MLLT10: variants seen among roughly 807,000 people sequenced by gnomAD.
The protein encoded by MLLT10 is MLLT10 histone lysine methyltransferase DOT1L cofactor, also known as protein AF-10.
MLLT10 carries 30 observed loss-of-function variants against 129.1 expected under a neutral mutation model. The observed-to-expected ratio is 0.23, with a 90% CI of 0.17 to 0.32. MLLT10 has a LOEUF of 0.32. Ranked by LOEUF, MLLT10 falls within the 10% of genes least tolerant of loss-of-function variation. MLLT10 has a pLI of 1.00. For missense variants in MLLT10, 1,119 were observed against 1,268.3 expected (o/e 0.88, Z 1.79); for synonymous variants, 490 against 446.4 (o/e 1.10, Z -1.23).
At chr10:21,731,342 C>A (rs921253675) in intron 17 of MLLT10, among the ~76,000 whole-genome samples, 3 of 151,586 alleles carry the variant, frequency 2.0e-5, no homozygotes, top group Admixed American at 1.3e-4. Context: ...TAATAATGCA[C>A]CCATATCAGA....
At chr10:21,697,099 C>CAAAAAAA (rs1163740638) in intron 13 of MLLT10, among the ~76,000 whole-genome samples, 4 of 82,646 alleles carry the variant, frequency 4.8e-5, no homozygotes, top group Admixed American at 1.7e-4. Flanking sequence ...CTGATTTAAG[C>CAAAAAAA]AAAAAAAAAA....
chr10:21,567,168 A>G (rs1435040993), intron 3 of MLLT10, among the ~76,000 whole-genome samples: 1 of 152,074 alleles, frequency 6.6e-6, no homozygotes, highest in Admixed American at 6.6e-5. Context: ...GCATTTTTGT[A>G]TTGTCATGAG....
chr10:21,551,754 C>CT (rs762686460), intron 3 of MLLT10: 4,518 of 340,086 alleles, frequency 0.013, no homozygotes, highest in Middle Eastern at 0.02. Context: ...TGTGTTTAGA[C>CT]TTTTTTTTTT....
intron 5 of MLLT10, among the ~76,000 whole-genome samples, chr10:21,597,138 A>G (rs1227779447): frequency 6.6e-6 from 1 of 152,148 alleles, no homozygotes; most frequent in Non-Finnish European, 1.5e-5. Context: ...TTCCTTCCCT[A>G]AACCATTTGA....
intron 5 of MLLT10, among the ~76,000 whole-genome samples, chr10:21,601,591 T>A (rs2043537348): frequency 6.6e-6 from 1 of 152,150 alleles, no homozygotes; most frequent in Non-Finnish European, 1.5e-5. Flanking sequence ...AGTGGACAGT[T>A]ATGTCTCACG....
intron 3 of MLLT10, among the ~76,000 whole-genome samples, chr10:21,567,359 G>GCT (rs1379534779): frequency 6.6e-6 from 1 of 152,068 alleles, no homozygotes; most frequent in Non-Finnish European, 1.5e-5. Flanking sequence ...GGGAGTTGTG[G>GCT]CTCTCTACCT....
chr10:21,564,048 G>A (rs1369624435), intron 3 of MLLT10, among the ~76,000 whole-genome samples: 10 of 151,958 alleles, frequency 6.6e-5, no homozygotes, highest in East Asian at 3.9e-4. Flanking sequence ...TCCTAACCTC[G>A]TGATCCACCC....
chr10:21,564,327 G>A (rs895486858), intron 3 of MLLT10: 1 of 152,112 alleles, frequency 6.6e-6, no homozygotes, highest in Non-Finnish European at 1.5e-5. Context: ...CTGAGCTAAA[G>A]CCATGCTCCC....
chr10:21,673,356 T>C lies in MLLT10; in HGVS notation c.1058T>C (p.Phe353Ser). Residue 353 changes from phenylalanine to serine, a missense_variant, in exon 11 of 23, where the codon TTT (phenylalanine) becomes TCT (serine). Phe to Ser is a radical substitution (Grantham distance 155). This residue lies in a region of MLLT10 where 1,004 missense variants were observed against 1,008.7 expected (regional missense o/e 1.00). Transcript: ENST00000307729. ...TTTTTTTTTTAAACTACAGGCAGTTTTTCAGGAACTCCAGGCAGTGTAAAG... is the reference window on the plus strand; with the variant it reads ...TTTTTTTTTTAAACTACAGGCAGTTCTTCAGGAACTCCAGGCAGTGTAAAG... ...SAASPFPQGS[F>S]SGTPGSVKSS... 1 of 1,263,704 alleles carries C rather than the reference T, an allele frequency of 7.9e-7. No individual in the cohort carries two copies. The highest frequency in any genetic ancestry group is 1.0e-6 in the Non-Finnish European group (1 of 975,704). The allele number at this position is 1,263,704 out of a possible 1,614,324, so 78.3% of individuals were successfully genotyped here.
intron 5 of MLLT10, among the ~76,000 whole-genome samples, chr10:21,609,638 C>T (rs1035745856): frequency 6.6e-6 from 1 of 152,182 alleles, no homozygotes; most frequent in Non-Finnish European, 1.5e-5. Context: ...CTAGTTCACT[C>T]TGTTAATCTT....
intron 7 of MLLT10, among the ~76,000 whole-genome samples, chr10:21,615,597 A>T (rs2045174353): frequency 6.6e-6 from 1 of 151,864 alleles, no homozygotes; most frequent in Non-Finnish European, 1.5e-5. Flanking sequence ...TTTGGTGCCA[A>T]TTTTACATTT....
At chr10:21,643,135 C>A (rs922151865) in intron 8 of MLLT10, among the ~76,000 whole-genome samples, 3 of 152,080 alleles carry the variant, frequency 2.0e-5, no homozygotes, top group Non-Finnish European at 2.9e-5. Context: ...CCAGTTCAAG[C>A]GATTCTCCTG....
Position 21,713,779 on chromosome 10 carries a change from T to C in MLLT10, c.1707T>C (p.Tyr569=). The C allele has an allele frequency of 6.2e-7, 1 of 1,607,640 alleles. No individual in the cohort carries two copies. Among genetic ancestry groups the C allele is most frequent in the African/African-American group, 1.3e-5 (1 of 74,732 alleles). Residue 569 remains tyrosine, a synonymous_variant, in exon 14 of 23, where the codon TAT becomes TAC. Coordinates refer to ENST00000307729, the MANE Select transcript of MLLT10 (RefSeq NM_001195626.3). The stretch of plus-strand genomic sequence containing the variant: ...ACATTTGTTTTTTTGCAGGTATTTA[T>C]AACAGCAATGATGTAGCAGTATCGT... ...ELLNAIHNGI[Y]NSNDVAVSFP... is the part of the protein sequence containing the mutation.
intron 20 of MLLT10, among the ~76,000 whole-genome samples, chr10:21,734,608 G>A (rs1257745063): frequency 6.6e-6 from 1 of 152,102 alleles, no homozygotes; most frequent in Non-Finnish European, 1.5e-5. Context: ...CAAAACTAGG[G>A]GACTAAAGCT....
intron 13 of MLLT10, among the ~76,000 whole-genome samples, chr10:21,701,572 G>A (rs2054916397): frequency 6.6e-6 from 1 of 151,826 alleles, no homozygotes; most frequent in Non-Finnish European, 1.5e-5. Context: ...GCACAGTGGT[G>A]GATTGTGTTA....
intron 8 of MLLT10, chr10:21,625,310 G>T: frequency 1.2e-6 from 1 of 801,406 alleles, no homozygotes; most frequent in Non-Finnish European, 2.2e-6. Flanking sequence ...CATAACAGCT[G>T]CTCGTCTGTC....
At chr10:21,704,194 A>C (rs944935523) in intron 13 of MLLT10, among the ~76,000 whole-genome samples, 1 of 148,970 alleles carries the variant, frequency 6.7e-6, no homozygotes, top group Non-Finnish European at 1.5e-5. Context: ...ATTTTTGTAG[A>C]GATGAGGTTT....
chr10:21,688,523 G>C (rs1010708689), intron 13 of MLLT10: 1 of 1,612,398 alleles, frequency 6.2e-7, no homozygotes, highest in East Asian at 2.2e-5. Flanking sequence ...AACAAAGCAA[G>C]AACTTAAATT....
At chr10:21,540,301 A>G (rs543261413) in intron 3 of MLLT10, among the ~76,000 whole-genome samples, 101 of 152,060 alleles carry the variant, frequency 6.6e-4, no homozygotes, top group Non-Finnish European at 5.4e-4. Context: ...AAGACGGGAG[A>G]ATCGCTTGAA....
Sources: allele counts gnomAD v4.1 joint callset (sites outside exome capture counted in the v4.1 genomes callset), GRCh38; gene constraint gnomAD v4.1.1; regional missense constraint gnomAD v4.1.1; transcripts MANE v1.5; gene names NCBI Gene and HGNC (gene_info 2026-07-23, HGNC 2026-07-21).